PLEKHM3: variants seen among roughly 807,000 people sequenced by gnomAD.
PLEKHM3 encodes pleckstrin homology domain containing M3.
In PLEKHM3, 45 loss-of-function variants were observed where a neutral mutation model predicts 81.8. That is an observed-to-expected ratio of 0.55 (90% confidence interval 0.43 to 0.71). PLEKHM3 has a LOEUF of 0.71. Among genes scored for constraint, PLEKHM3 ranks in the 30% least tolerant of loss-of-function variants. The pLI, the probability that PLEKHM3 is intolerant of heterozygous loss-of-function variation, is 0.00. For missense variants in PLEKHM3, 788 were observed against 924.3 expected, an observed-to-expected ratio of 0.85 and a Z score of 1.91; for synonymous variants, 352 against 356.4, an observed-to-expected ratio of 0.99 and a Z score of 0.14.
chr2:207,851,906 T>G (rs1159223281), intron 7 of PLEKHM3, among the ~76,000 whole-genome samples: 1 of 152,122 alleles, frequency 6.6e-6, no homozygotes, highest in African/African-American at 2.4e-5. Flanking sequence ...CAGGTACCCC[T>G]TGCTGAACCT....
intron 6 of PLEKHM3, among the ~76,000 whole-genome samples, chr2:207,882,449 T>C (rs1272078849): frequency 2.0e-5 from 3 of 151,714 alleles, no homozygotes; most frequent in Non-Finnish European, 4.4e-5. Flanking sequence ...CCATCTCTAC[T>C]AAAAATACAA....
At chr2:207,915,421 G>C (rs928672186) in intron 5 of PLEKHM3, among the ~76,000 whole-genome samples, 1 of 152,102 alleles carries the variant, frequency 6.6e-6, no homozygotes, top group Non-Finnish European at 1.5e-5. Context: ...ACTAATTCCT[G>C]AGAAGTTCAA....
chr2:207,860,201 G>GTC (rs2092460107), intron 7 of PLEKHM3, among the ~76,000 whole-genome samples: 1 of 136,788 alleles, frequency 7.3e-6, no homozygotes, highest in East Asian at 2.0e-4. Flanking sequence ...GTGTGTGTGT[G>GTC]TGTGTATCTG....
At chr2:207,992,182 C>T (rs749466609) in intron 2 of PLEKHM3, among the ~76,000 whole-genome samples, 57 of 152,248 alleles carry the variant, frequency 3.7e-4, no homozygotes, top group Admixed American at 2.3e-3. Context: ...GCTGGAGAAG[C>T]GGTTTAACAC....
intron 7 of PLEKHM3, among the ~76,000 whole-genome samples, chr2:207,841,310 C>G (rs2092350292): frequency 6.6e-6 from 1 of 150,906 alleles, no homozygotes; most frequent in Non-Finnish European, 1.5e-5. Context: ...ACTAAAAATA[C>G]AAAAATCAGC....
At chr2:207,871,023 C>T (rs1044443684) in intron 6 of PLEKHM3, among the ~76,000 whole-genome samples, 1 of 151,936 alleles carries the variant, frequency 6.6e-6, no homozygotes, top group South Asian at 2.1e-4. Flanking sequence ...TGGGAGGATC[C>T]CTTGAGCCCA....
At chr2:208,022,829 T>C (rs1693171389) in intron 1 of PLEKHM3, among the ~76,000 whole-genome samples, 1 of 152,218 alleles carries the variant, frequency 6.6e-6, no homozygotes. Flanking sequence ...TATCTTATTA[T>C]ATGCACAGGT....
intron 3 of PLEKHM3, among the ~76,000 whole-genome samples, chr2:207,950,596 C>A (rs1690296300): frequency 6.6e-6 from 1 of 152,164 alleles, no homozygotes; most frequent in African/African-American, 2.4e-5. Flanking sequence ...CCCCAACCCA[C>A]ACGCGGGACG....
At chr2:207,946,743 C>T (rs1185942000) in intron 3 of PLEKHM3, among the ~76,000 whole-genome samples, 1 of 152,218 alleles carries the variant, frequency 6.6e-6, no homozygotes, top group African/African-American at 2.4e-5. Flanking sequence ...AACTGGTCCC[C>T]TGTCTCTGGT....
chr2:207,972,699 T>C (rs889194777), intron 3 of PLEKHM3, among the ~76,000 whole-genome samples: 5 of 151,776 alleles, frequency 3.3e-5, no homozygotes, highest in African/African-American at 1.2e-4. Context: ...GATACAACTA[T>C]CAAAAATCAA....
intron 6 of PLEKHM3, among the ~76,000 whole-genome samples, chr2:207,881,796 C>T (rs997904491): frequency 1.3e-5 from 2 of 152,096 alleles, no homozygotes; most frequent in African/African-American, 2.4e-5. Flanking sequence ...CTACTCTTTC[C>T]AGTGAAAATC....
rs1206821327 is a variant in PLEKHM3, at chr2:207,939,120, T to C, written c.1692+7247A>G. ...TCACTTGCTCTCTATACACCTCTCATAGCTGTCAAAGCCCCGCTCCAAGCA... is the reference window on the plus strand; with the variant it reads ...TCACTTGCTCTCTATACACCTCTCACAGCTGTCAAAGCCCCGCTCCAAGCA... On this transcript the variant is annotated intron_variant, in intron 4 of 7. Transcript: ENST00000427836. Among the ~76,000 whole-genome samples, 4 of 152,210 alleles carry C rather than the reference T, an allele frequency of 2.6e-5. No homozygotes were observed. The East Asian group carries it at 5.8e-4, about 22-fold the overall frequency.
chr2:207,841,183 T>C (rs1351878064), intron 7 of PLEKHM3, among the ~76,000 whole-genome samples: 2 of 151,452 alleles, frequency 1.3e-5, no homozygotes, highest in Non-Finnish European at 2.9e-5. Context: ...ATAAAAATAA[T>C]AGACTGGGCG....
intron 6 of PLEKHM3, among the ~76,000 whole-genome samples, chr2:207,864,691 G>A (rs532803065): frequency 6.6e-6 from 1 of 152,286 alleles, no homozygotes; most frequent in African/African-American, 2.4e-5. Flanking sequence ...TGGAGAAAGG[G>A]TGTGAACATT....
intron 3 of PLEKHM3, among the ~76,000 whole-genome samples, chr2:207,971,773 C>T (rs981155418): frequency 6.6e-6 from 1 of 152,210 alleles, no homozygotes. Flanking sequence ...AAGAAGCATG[C>T]CTCATTTGCT....
intron 7 of PLEKHM3, among the ~76,000 whole-genome samples, chr2:207,835,033 C>T (rs2092310906): frequency 2.0e-5 from 3 of 151,692 alleles, no homozygotes; most frequent in Non-Finnish European, 2.9e-5. Flanking sequence ...CTCTGCCTTC[C>T]GGTTTCGAGT....
intron 2 of PLEKHM3, among the ~76,000 whole-genome samples, chr2:207,995,031 T>C (rs910690751): frequency 6.6e-6 from 1 of 151,980 alleles, no homozygotes; most frequent in Non-Finnish European, 1.5e-5. Flanking sequence ...AGCATAATAA[T>C]TTTTTTTAAT....
intron 1 of PLEKHM3, 118 bp downstream of exon 1, chr2:208,025,271 A>C (rs1693291109): frequency 6.6e-6 from 1 of 152,310 alleles, no homozygotes; most frequent in Admixed American, 6.5e-5. Flanking sequence ...CTGAGCATGC[A>C]AGAAACAGCA....
intron 6 of PLEKHM3, among the ~76,000 whole-genome samples, chr2:207,877,877 A>C (rs780831681): frequency 5.3e-5 from 8 of 152,120 alleles, no homozygotes; most frequent in Non-Finnish European, 8.8e-5. Flanking sequence ...CATCAACAAC[A>C]ACCACCACCA....
Sources: gnomAD v4.1 joint callset for allele counts (sites outside exome capture counted in the v4.1 genomes callset) on GRCh38, gnomAD v4.1.1 for gene constraint, MANE v1.5 for transcripts, NCBI Gene and HGNC (gene_info 2026-07-23, HGNC 2026-07-21) for gene names.